SCRIB: variants seen among roughly 807,000 people sequenced by gnomAD.
The protein encoded by SCRIB is scribble planar cell polarity protein, also known as protein scribble homolog.
SCRIB carries 72 observed loss-of-function variants against 170.0 expected under a neutral mutation model. The observed-to-expected ratio is 0.42, with a 90% CI of 0.35 to 0.52. The LOEUF (loss-of-function observed/expected upper bound fraction) is 0.52, where lower values mean the gene tolerates loss of function less well. SCRIB is among the 20% of genes least tolerant of loss of function. The pLI is 0.02. For missense variants in SCRIB, 2,475 were observed against 2,338.5 expected, an observed-to-expected ratio of 1.06 and a Z score of -1.20; for synonymous variants, 1,298 against 1,044.3, an observed-to-expected ratio of 1.24 and a Z score of -4.68.
At chr8:143,799,737 C>T (rs923217193) in intron 24 of SCRIB, among the ~76,000 whole-genome samples, 14 of 151,578 alleles carry the variant, frequency 9.2e-5, no homozygotes, top group Admixed American at 9.2e-4. Flanking sequence ...GGACTGTGCA[C>T]GACCCCTAAA....
Position 143,795,301 on chromosome 8 carries a change from C to G in SCRIB, c.3747G>C (p.Trp1249Cys), listed in dbSNP as rs1250581931. The change falls in exon 26 of 37, where the codon TGG becomes TGC. Residue 1249 changes from tryptophan (W) to cysteine (C), a missense_variant. Transcript: ENST00000356994. ...CTGCGGCTTCTGTGGCCTCGGGCCCCCAGTGCAGGGTCTGTCCAGGCAGCT... is the reference window on the plus strand; with the variant it reads ...CTGCGGCTTCTGTGGCCTCGGGCCCGCAGTGCAGGGTCTGTCCAGGCAGCT... ...EKELPGQTLH[W>C]GPEATEAAGR... 6.2e-7 allele frequency: 1 copy of G among 1,612,590 alleles called. No individual in the cohort carries two copies. The highest frequency in any genetic ancestry group is 1.7e-5 in the Admixed American group (1 of 59,998).
At position 143,809,674 on chromosome 8, in the gene SCRIB, G is replaced by A. The variant is rs141320088; in HGVS notation, c.1575C>T (p.Arg525=). ...SAESGLSEDS[R]PSASTVSEAE... is the part of the protein sequence containing the mutation. ...CCTCAGAGACTGTGCTGGCAGATGG[G>A]CGAGAGTCTTCACTCAGGCCAGACT... Residue 525 remains arginine (R), a synonymous_variant, in exon 14 of 37, where the codon CGC becomes CGT. Coordinates refer to ENST00000356994, the MANE Select transcript of SCRIB (RefSeq NM_182706.5). 13 of 1,610,942 alleles carry A rather than the reference G, an allele frequency of 8.1e-6. No individual in the cohort carries two copies. In the African/African-American group the frequency reaches 1.6e-4, roughly 20 times the overall value.
At position 143,804,974 on chromosome 8, in the gene SCRIB, T is replaced by C; in HGVS notation, c.2711A>G (p.His904Arg). 1 of 1,584,554 alleles carries C rather than the reference T, an allele frequency of 6.3e-7. No homozygotes were observed. Among genetic ancestry groups the C allele is most frequent in the South Asian group, 1.1e-5 (1 of 87,540 alleles). ...VSRIAEGGAA[H>R]RAGTLQVGDR... ...GCCAACCTGCAGTGTGCCCGCGCGGTGAGCAGCACCGCCCTCGGCAATGCG... is the reference window on the plus strand; with the variant it reads ...GCCAACCTGCAGTGTGCCCGCGCGGCGAGCAGCACCGCCCTCGGCAATGCG... The change falls in exon 20 of 37, where the codon CAC becomes CGC. Residue 904 changes from histidine to arginine, a missense_variant. Physicochemically the swap from His to Arg is conservative, Grantham distance 29. This residue lies in a region of SCRIB where 1,966 missense variants were observed against 1,742.9 expected (regional missense o/e 1.13). Coordinates refer to ENST00000356994, the MANE Select transcript of SCRIB (RefSeq NM_182706.5).
At chr8:143,809,158 C>A (rs1815584829) in intron 14 of SCRIB, 133 bp from the exon 15 acceptor site, 1 of 1,202,570 alleles carries the variant, frequency 8.3e-7, no homozygotes, top group Admixed American at 2.8e-5. Context: ...ACTAACTGCC[C>A]AGTGAGGGGC....
In SCRIB at chr8:143,792,014, G is replaced by A; in HGVS notation, c.4634C>T (p.Thr1545Ile). Residue 1545 changes from threonine (T) to isoleucine (I), a missense_variant, in exon 33 of 37, where the codon ACC (threonine) becomes ATC (isoleucine). Physicochemically the swap from Thr to Ile is moderately conservative, Grantham distance 89. Transcript: ENST00000356994. The part of the protein sequence containing the change: ...RLAEAPSPAP[T>I]PSPTPVEDLG... ...ACCTTCCACAGGGGTGGGCGACGGG[G>A]TGGGCGCAGGGGAAGGGGCCTCGGC... is the stretch of plus-strand genomic sequence containing the variant. 6.5e-7 allele frequency: 1 copy of A among 1,545,042 alleles called. No individual in the cohort carries two copies. The highest frequency in any genetic ancestry group is 8.7e-7 in the Non-Finnish European group (1 of 1,148,250).
At position 143,805,327 on chromosome 8, in the gene SCRIB, G is replaced by A; in HGVS notation, c.2455C>T (p.Pro819Ser). The change falls in exon 19 of 37, where the codon CCT becomes TCT. Residue 819 changes from proline to serine, a missense_variant. Transcript: ENST00000356994. ...GGCGTGATGGTGACCGCGTTCTCAG[G>A]CTCCACCATGCGCTCCCGCCACACT... ...MRVWRERMVE[P>S]ENAVTITPLR... 1 of 1,543,632 alleles carries A rather than the reference G, an allele frequency of 6.5e-7. No individual in the cohort carries two copies. Among genetic ancestry groups the A allele is most frequent in the South Asian group, 1.2e-5 (1 of 84,828 alleles).
At chr8:143,793,278 C>A in intron 28 of SCRIB, 195 bp from the exon 29 acceptor site, 1 of 469,432 alleles carries the variant, frequency 2.1e-6, no homozygotes, top group Non-Finnish European at 3.7e-6. Flanking sequence ...AACCTCTGCC[C>A]CTGGGGGCTG....
In SCRIB at chr8:143,812,868, T is replaced by C; in HGVS notation, c.736A>G (p.Thr246Ala). The change falls in exon 8 of 37, where the codon ACT becomes GCT. Residue 246 changes from threonine (T) to alanine (A), a missense_variant. Around this residue, in one of 3 missense-constraint regions of SCRIB, gnomAD observed 487 missense variants for 558.1 expected, o/e 0.87. Transcript: ENST00000356994. ...PAELGGLVLL[T>A]DLLLSQNLLR... ...AGGTTCTGGGACAGCAGCAGGTCAG[T>C]GAGCAGCACCAGCCCGCCGAGCTCA... 6.2e-7 allele frequency: 1 copy of C among 1,607,724 alleles called. No homozygotes were observed. Among genetic ancestry groups the C allele is most frequent in the Non-Finnish European group, 8.5e-7 (1 of 1,179,838 alleles).
chr8:143,806,544 T>C, intron 17 of SCRIB, 60 bp from the exon 18 acceptor site: 1 of 1,391,868 alleles, frequency 7.2e-7, no homozygotes, highest in Non-Finnish European at 1.0e-6. Context: ...TCCTGCTCCT[T>C]CTGCAGAAGA....
chr8:143,795,069 G>A lies in SCRIB; in HGVS notation c.3815C>T (p.Ala1272Val). 2 of 1,611,162 alleles carry A rather than the reference G, an allele frequency of 1.2e-6. No individual in the cohort carries two copies. Among genetic ancestry groups the A allele is most frequent in the Non-Finnish European group, 1.7e-6 (2 of 1,179,244 alleles). The stretch of plus-strand genomic sequence containing the variant: ...CACGCTGCCAGCGCTGGGCACGGCG[G>A]CCAGGGCGCGGTAGTCCAGCTTCAG... ...QPLKLDYRAL[A>V]AVPSAGSVQR... The change falls in exon 27 of 37, where the codon GCC (alanine) becomes GTC (valine). Residue 1272 changes from alanine to valine, a missense_variant. By Grantham distance (64) the Ala-to-Val change is moderately conservative. Around this residue, in one of 3 missense-constraint regions of SCRIB, gnomAD observed 1,966 missense variants for 1,742.9 expected, o/e 1.13. Coordinates refer to ENST00000356994, the MANE Select transcript of SCRIB (RefSeq NM_182706.5).
rs1554636219 is a variant in SCRIB at position 143,805,242 on chromosome 8, G to A, written c.2540C>T (p.Pro847Leu). ...CCCGGGGCTCTCAGGCGGGAGCAGG[G>A]GCAGGCGCAGCCCCCCTCCCCGCCG... is the stretch of plus-strand genomic sequence containing the variant. ...RERRGGGLRL[P>L]LLPPESPGPL... Residue 847 changes from proline (P) to leucine (L), a missense_variant, in exon 19 of 37, where the codon CCC becomes CTC. Coordinates refer to ENST00000356994, the MANE Select transcript of SCRIB (RefSeq NM_182706.5). 3.9e-6 allele frequency: 6 copies of A among 1,537,478 alleles called. No homozygotes were observed.
chr8:143,815,159 A>C, intron 1 of SCRIB, 55 bp downstream of exon 1: 2 of 1,465,688 alleles, frequency 1.4e-6, no homozygotes, highest in South Asian at 1.3e-5. Flanking sequence ...CTGCCGCCGG[A>C]GGAATCACGG....
chr8:143,809,232 A>T (rs1815589398), intron 14 of SCRIB, among the ~76,000 whole-genome samples: 1 of 152,052 alleles, frequency 6.6e-6, no homozygotes, highest in Non-Finnish European at 1.5e-5. Flanking sequence ...GCAGCGCCCC[A>T]GGTGGAAACG....
chr8:143,804,520 C>A (rs368050814), intron 21 of SCRIB, 48 bp downstream of exon 21: 2 of 1,478,530 alleles, frequency 1.4e-6, no homozygotes, highest in African/African-American at 1.4e-5. Context: ...AAGGCCAGTG[C>A]CCACAGCTGA....
At position 143,806,927 on chromosome 8, in the gene SCRIB, G is replaced by T; in HGVS notation, c.2265C>A (p.Asp755Glu). ...GKGSTPYKGD[D>E]EGIFISRVSE... ...GGCCCTCCTAGGCAGTGCTCACCTC[G>T]TCGTCCCCCTTATAGGGTGTGGAGC... The change falls in exon 17 of 37, where the codon GAC becomes GAA. Residue 755 changes from aspartate (D) to glutamate (E), a missense_variant. Transcript: ENST00000356994. The T allele has an allele frequency of 6.2e-7, 1 of 1,608,520 alleles. No individual in the cohort carries two copies. Among genetic ancestry groups the T allele is most frequent in the Non-Finnish European group, 8.5e-7 (1 of 1,176,694 alleles).
At chr8:143,813,135 A>G (rs777851597) in intron 6 of SCRIB, 31 bp from the exon 7 acceptor site, 2 of 1,573,010 alleles carry the variant, frequency 1.3e-6, no homozygotes, top group East Asian at 4.6e-5. Context: ...AATAGTGACT[A>G]TGAGGCAAAG....
chr8:143,811,118 A>C, intron 10 of SCRIB, 28 bp downstream of exon 10: 1 of 1,601,880 alleles, frequency 6.2e-7, no homozygotes, highest in Non-Finnish European at 8.5e-7. Context: ...GGCCACGGTT[A>C]GGCCCGCAGG....
chr8:143,792,839 G>C lies in SCRIB; in HGVS notation c.4046C>G (p.Pro1349Arg). 1 of 1,535,852 alleles carries C rather than the reference G, an allele frequency of 6.5e-7. No homozygotes were observed. Among genetic ancestry groups the C allele is most frequent in the Non-Finnish European group, 8.7e-7 (1 of 1,143,776 alleles). Residue 1349 changes from proline (P) to arginine (R), a missense_variant, in exon 30 of 37, where the codon CCG becomes CGG. By Grantham distance (103) the Pro-to-Arg change is moderately radical. Coordinates refer to ENST00000356994, the MANE Select transcript of SCRIB (RefSeq NM_182706.5). ...CCGCTCCCGGAAGGACAGCTGCTCCGGGGAGGCTGCAGGCCCAGGCGTGGG... is the reference window on the plus strand; with the variant it reads ...CCGCTCCCGGAAGGACAGCTGCTCCCGGGAGGCTGCAGGCCCAGGCGTGGG... ...QPPTPGPAAS[P>R]EQLSFRERQK... is the part of the protein sequence containing the mutation.
chr8:143,796,061 G>A (rs931722341), intron 24 of SCRIB, among the ~76,000 whole-genome samples: 1 of 152,202 alleles, frequency 6.6e-6, no homozygotes, highest in African/African-American at 2.4e-5. Context: ...GAGACTGGCA[G>A]GGCGGAGGGG....
Sources: gnomAD v4.1 joint callset for allele counts (sites outside exome capture counted in the v4.1 genomes callset) on GRCh38, gnomAD v4.1.1 for gene constraint, gnomAD v4.1.1 regional missense constraint, MANE v1.5 for transcripts, NCBI Gene and HGNC (gene_info 2026-07-23, HGNC 2026-07-21) for gene names.